The following GTPBP10 variants were observed in gnomAD, a reference collection of about 807,000 sequenced individuals.
GTPBP10 encodes the protein GTP-binding protein 10.
A neutral mutation model predicts 44.8 loss-of-function variants in GTPBP10; 38 were observed. The observed-to-expected ratio is 0.85, with a 90% CI of 0.65 to 1.11. The LOEUF is 1.11. GTPBP10 is among the 50% of genes most tolerant of loss of function. GTPBP10 has a pLI of 0.00. For synonymous variants in GTPBP10, 152 were observed against 150.6 expected, an observed-to-expected ratio of 1.01 and a Z score of -0.07; for missense variants, 462 against 453.7, an observed-to-expected ratio of 1.02 and a Z score of -0.17.
At chr7:90,350,634 T>C (rs1460393718) in intron 1 of GTPBP10, among the ~76,000 whole-genome samples, 2 of 152,242 alleles carry the variant, frequency 1.3e-5, no homozygotes, top group Non-Finnish European at 2.9e-5. Flanking sequence ...GTTTTTAAAA[T>C]AGGAATCCTG....
At chr7:90,347,885 TGTA>T (rs1795710562) in intron 1 of GTPBP10, among the ~76,000 whole-genome samples, 1 of 152,158 alleles carries the variant, frequency 6.6e-6, no homozygotes, top group South Asian at 2.1e-4. Flanking sequence ...CGGTATTTCA[TGTA>T]GTACAGAGCA....
chr7:90,383,151 G>A (rs1796461775), intron 9 of GTPBP10, 72 bp downstream of exon 9: 3 of 1,127,556 alleles, frequency 2.7e-6, no homozygotes, highest in Non-Finnish European at 3.6e-6. Context: ...GTTATAATCA[G>A]TGGAAAACTG....
chr7:90,353,637 A>G (rs889361332), intron 2 of GTPBP10, among the ~76,000 whole-genome samples: 1 of 151,916 alleles, frequency 6.6e-6, no homozygotes, highest in South Asian at 2.1e-4. Context: ...ACTATTTTAC[A>G]TGTTTGTTCA....
intron 4 of GTPBP10, 105 bp downstream of exon 4, chr7:90,355,335 G>T: frequency 2.6e-6 from 2 of 766,836 alleles, no homozygotes; most frequent in South Asian, 2.9e-5. Context: ...TCTAATTTAT[G>T]GAATTTGTGT....
At chr7:90,370,113 A>G (rs769770259) in intron 4 of GTPBP10, among the ~76,000 whole-genome samples, 2 of 152,096 alleles carry the variant, frequency 1.3e-5, no homozygotes, top group Admixed American at 6.5e-5. Flanking sequence ...GTGAGAATGC[A>G]AATTAGTACA....
chr7:90,371,609 A>G (rs1452319522), intron 4 of GTPBP10, among the ~76,000 whole-genome samples: 2 of 152,210 alleles, frequency 1.3e-5, no homozygotes, highest in African/African-American at 4.8e-5. Context: ...GAGCTTGAAA[A>G]TAGATTTGAG....
At chr7:90,372,322 G>T in intron 5 of GTPBP10, 94 bp downstream of exon 5, 1 of 924,792 alleles carries the variant, frequency 1.1e-6, no homozygotes, top group Non-Finnish European at 1.6e-6. Context: ...AACTCGGAGG[G>T]TATCCTTAAC....
intron 1 of GTPBP10, among the ~76,000 whole-genome samples, chr7:90,349,499 G>A (rs1795746943): frequency 6.6e-6 from 1 of 152,082 alleles, no homozygotes; most frequent in Admixed American, 6.6e-5. Context: ...CTGACTTCAG[G>A]GAGAAAGCAT....
rs573620636 is a variant in GTPBP10 at position 90,361,312 on chromosome 7, A to G, written c.464+6082A>G. Among the ~76,000 whole-genome samples the G allele has an allele frequency of 2.0e-5, 3 of 152,306 alleles. 1 individual carries two copies. Among genetic ancestry groups the G allele is most frequent in the East Asian group, 1.9e-4 (1 of 5,174 alleles). On this transcript the variant is annotated intron_variant, in intron 4 of 9. Coordinates refer to ENST00000222511, the MANE Select transcript of GTPBP10 (RefSeq NM_033107.4). ...TCATTATTTTGAGATACGTTCCATCAATGCTGAATTTATTGAGTTTTTAGC... is the reference window on the plus strand; with the variant it reads ...TCATTATTTTGAGATACGTTCCATCGATGCTGAATTTATTGAGTTTTTAGC...
intron 4 of GTPBP10, among the ~76,000 whole-genome samples, chr7:90,369,754 C>G (rs1796219473): frequency 6.6e-6 from 1 of 152,178 alleles, no homozygotes; most frequent in Non-Finnish European, 1.5e-5. Context: ...AAAGGAAAAT[C>G]CCCCGATCCC....
chr7:90,388,239 A>G lies in GTPBP10; in HGVS notation c.*3085A>G, dbSNP rs1285890436. On this transcript the variant is annotated 3_prime_UTR_variant, in exon 10 of 10. Transcript: ENST00000222511. ...TTGAAACAAAGACTTATTTTGAAGT[A>G]AGTCTTTTAACATTATCTCAGATGC... 6.6e-6 allele frequency: 1 copy of G among 152,212 alleles called. No individual in the cohort carries two copies. 9.4% of individuals were successfully genotyped at this position (152,212 alleles called of 1,614,324 possible).
chr7:90,380,177 C>G (rs1796412377), intron 8 of GTPBP10, among the ~76,000 whole-genome samples: 1 of 145,864 alleles, frequency 6.9e-6, no homozygotes, highest in Non-Finnish European at 1.5e-5. Context: ...CTCCCAAGTT[C>G]AAGTGATTCT....
chr7:90,353,388 C>T (rs1397672358), intron 2 of GTPBP10, among the ~76,000 whole-genome samples: 1 of 152,170 alleles, frequency 6.6e-6, no homozygotes, highest in African/African-American at 2.4e-5. Flanking sequence ...CACTATTAAC[C>T]TTTTCTTGAC....
chr7:90,357,702 A>G (rs777442541), intron 4 of GTPBP10, among the ~76,000 whole-genome samples: 8 of 152,188 alleles, frequency 5.3e-5, no homozygotes, highest in Non-Finnish European at 1.0e-4. Context: ...GTCAGTGCTC[A>G]ATAAATATTT....
At chr7:90,355,809 T>TCTTCCA (rs1226928081) in intron 4 of GTPBP10, among the ~76,000 whole-genome samples, 1 of 152,210 alleles carries the variant, frequency 6.6e-6, no homozygotes, top group Non-Finnish European at 1.5e-5. Context: ...AAGAGTGTCC[T>TCTTCCA]CTTCCACCAG....
chr7:90,362,203 T>G (rs545276807), intron 4 of GTPBP10, among the ~76,000 whole-genome samples: 77 of 152,354 alleles, frequency 5.1e-4, no homozygotes, highest in African/African-American at 1.8e-3. Context: ...CTTGCTTCTC[T>G]AGTTCTTTTA....
At chr7:90,365,368 C>CTT (rs59645149) in intron 4 of GTPBP10, among the ~76,000 whole-genome samples, 1,716 of 90,266 alleles carry the variant, frequency 0.019, 88 homozygotes, top group African/African-American at 0.034. Context: ...TTGGGGTTTT[C>CTT]TTTTTTTTTT....
intron 6 of GTPBP10, among the ~76,000 whole-genome samples, chr7:90,377,118 G>A (rs1251165014): frequency 1.3e-5 from 2 of 152,068 alleles, no homozygotes; most frequent in African/African-American, 4.8e-5. Context: ...TAGCTACTTG[G>A]GAGACTGAGG....
At chr7:90,346,882 G>T (rs1282676503) in intron 1 of GTPBP10, 108 bp downstream of exon 1, 3 of 1,261,486 alleles carry the variant, frequency 2.4e-6, no homozygotes, top group East Asian at 2.3e-5. Context: ...TTCCTTGCTT[G>T]GTTTTCCCAT....
Sources: gnomAD v4.1 joint callset for allele counts (sites outside exome capture counted in the v4.1 genomes callset) on GRCh38, gnomAD v4.1.1 for gene constraint, MANE v1.5 for transcripts, NCBI Gene and HGNC (gene_info 2026-07-23, HGNC 2026-07-21) for gene names.